The following ARAP2 variants were observed in gnomAD, a reference collection of about 807,000 sequenced individuals.
ARAP2 encodes ArfGAP with RhoGAP domain, ankyrin repeat and PH domain 2.
ARAP2 carries 148 observed loss-of-function variants against 194.5 expected under a neutral mutation model. The ratio of observed to expected loss-of-function variants is 0.76; its 90% CI spans 0.67 to 0.87. The LOEUF is 0.87. Among genes scored for constraint, ARAP2 ranks in the 40% least tolerant of loss-of-function variants. The pLI is 0.00. For synonymous variants in ARAP2, 695 were observed against 683.5 expected (o/e 1.02, Z -0.26); for missense variants, 2,128 against 1,989.7 (o/e 1.07, Z -1.32).
intron 2 of ARAP2, among the ~76,000 whole-genome samples, chr4:36,226,423 A>G (rs1233919464): frequency 2.0e-5 from 3 of 152,216 alleles, no homozygotes; most frequent in Non-Finnish European, 4.4e-5. Context: ...AATTCCCCTG[A>G]AAGAAATTAA....
chr4:36,033,781 G>T (rs886132287), intron 5 of ARAP2, among the ~76,000 whole-genome samples: 17 of 152,028 alleles, frequency 1.1e-4, no homozygotes, highest in Admixed American at 1.1e-3. Flanking sequence ...ATAGTTTGGG[G>T]TTTTACATTT....
chr4:36,022,737 A>G (rs1255969188), intron 5 of ARAP2, among the ~76,000 whole-genome samples: 1 of 152,164 alleles, frequency 6.6e-6, no homozygotes, highest in Non-Finnish European at 1.5e-5. Context: ...AAAAAATACT[A>G]TCTTCAGACT....
intron 22 of ARAP2, 44 bp from the exon 23 acceptor site, chr4:36,121,370 G>C: frequency 6.7e-7 from 1 of 1,497,298 alleles, no homozygotes; most frequent in Non-Finnish European, 9.0e-7. Context: ...CTTTTATTTG[G>C]AAATTTCATA....
chr4:36,210,563 T>C lies in ARAP2; in HGVS notation c.1314A>G (p.Gln438=). The change falls in exon 6 of 33, where the codon CAA becomes CAG. Residue 438 remains glutamine (Q), a synonymous_variant. Coordinates refer to ENST00000303965, the MANE Select transcript of ARAP2 (RefSeq NM_015230.4). ...TAACGGAGTCCAAAATCAAGGCTTT[T>C]TGAGTCCTAGATTTAGATGCCTTTG... ...KNSKASKSRT[Q]KALILDSVNR... The C allele has an allele frequency of 6.2e-7, 1 of 1,613,934 alleles. No individual in the cohort carries two copies. Among genetic ancestry groups the C allele is most frequent in the Non-Finnish European group, 8.5e-7 (1 of 1,179,858 alleles).
At chr4:36,022,126 C>T (rs1376291604) in intron 5 of ARAP2, among the ~76,000 whole-genome samples, 1 of 152,116 alleles carries the variant, frequency 6.6e-6, no homozygotes, top group Non-Finnish European at 1.5e-5. Flanking sequence ...ATGGGACCAT[C>T]GTAGTATATG....
chr4:36,152,673 T>TTA (rs1553921757), intron 15 of ARAP2, among the ~76,000 whole-genome samples: 1 of 148,514 alleles, frequency 6.7e-6, no homozygotes, highest in African/African-American at 2.5e-5. Context: ...ACTGAAGTGA[T>TTA]AAAAAAAAAA....
At chr4:36,057,964 A>C (rs1038145717) in intron 2 of ARAP2, 1 of 149,636 alleles carries the variant, frequency 6.7e-6, no homozygotes, top group Non-Finnish European at 1.5e-5. Context: ...TCCATAGAGG[A>C]TTTACCTTTC....
In ARAP2 at chr4:36,179,863, C is replaced by T. The variant is rs150896007; in HGVS notation, c.1679-1858G>A. ...TTTTTCAATTATCATTGTTCTTGTTCGCCTTCAAAACTAATAAAAACAGTT... is the reference window on the plus strand; with the variant it reads ...TTTTTCAATTATCATTGTTCTTGTTTGCCTTCAAAACTAATAAAAACAGTT... On this transcript the variant is annotated intron_variant, in intron 8 of 32. Coordinates refer to ENST00000303965, the MANE Select transcript of ARAP2 (RefSeq NM_015230.4). 7.0e-4 allele frequency among the ~76,000 whole-genome samples: 106 copies of T among 152,268 alleles called. No individual in the cohort carries two copies. In the East Asian group the frequency reaches 0.015, roughly 21 times the overall value.
At chr4:36,073,878 A>C in intron 31 of ARAP2, 55 bp from the exon 32 acceptor site, 1 of 1,588,440 alleles carries the variant, frequency 6.3e-7, no homozygotes, top group Non-Finnish European at 8.6e-7. Flanking sequence ...GTGGTATACT[A>C]TGTCATAAAG....
intron 5 of ARAP2, among the ~76,000 whole-genome samples, chr4:36,027,100 C>G (rs1718045795): frequency 6.6e-6 from 1 of 152,162 alleles, no homozygotes; most frequent in Non-Finnish European, 1.5e-5. Context: ...TTTTGCAAGA[C>G]TCAGATTTTC....
intron 32 of ARAP2, among the ~76,000 whole-genome samples, chr4:36,071,217 T>C (rs1467027581): frequency 6.6e-6 from 1 of 152,248 alleles, no homozygotes; most frequent in Non-Finnish European, 1.5e-5. Context: ...ATTATTCTAA[T>C]AAAGTTTCAT....
intron 5 of ARAP2, among the ~76,000 whole-genome samples, chr4:36,038,789 T>A (rs933128743): frequency 1.3e-5 from 2 of 152,188 alleles, no homozygotes; most frequent in African/African-American, 2.4e-5. Context: ...GCTCTTACAA[T>A]GGAATTTGTT....
chr4:36,011,802 A>C (rs1714622112), intron 9 of ARAP2, among the ~76,000 whole-genome samples: 1 of 152,102 alleles, frequency 6.6e-6, no homozygotes, highest in Non-Finnish European at 1.5e-5. Context: ...ACAGCATATT[A>C]GTGGAATTAG....
chr4:36,194,867 C>T (rs1287240121), intron 6 of ARAP2, among the ~76,000 whole-genome samples: 1 of 151,896 alleles, frequency 6.6e-6, no homozygotes, highest in Non-Finnish European at 1.5e-5. Flanking sequence ...ATATTTAATT[C>T]TAATTACAGA....
At chr4:36,156,504 A>AGGAG (rs879803190) in intron 15 of ARAP2, among the ~76,000 whole-genome samples, 9 of 82,134 alleles carry the variant, frequency 1.1e-4, no homozygotes, top group East Asian at 7.2e-4. Context: ...GAAGGAAGGA[A>AGGAG]GGAGGGAGGA....
intron 15 of ARAP2, among the ~76,000 whole-genome samples, chr4:36,156,161 A>G (rs1314069094): frequency 6.6e-6 from 1 of 151,728 alleles, no homozygotes; most frequent in African/African-American, 2.4e-5. Flanking sequence ...GGATGCCTAT[A>G]ATCCCAGATA....
chr4:36,010,344 T>G (rs1354343786), intron 9 of ARAP2, among the ~76,000 whole-genome samples: 5 of 152,016 alleles, frequency 3.3e-5, no homozygotes, highest in Admixed American at 2.6e-4. Flanking sequence ...TAGAAAGAAA[T>G]GAGCTTGCTA....
rs954612916 is a variant in ARAP2 at position 36,214,354 on chromosome 4, T to C, written c.964+68A>G. 3.7e-6 allele frequency: 5 copies of C among 1,355,680 alleles called. No homozygotes were observed. In the Admixed American group the frequency reaches 6.1e-5, roughly 17 times the overall value. The allele number at this position is 1,355,680 out of a possible 1,614,324, so 84.0% of individuals were successfully genotyped here. Reference sequence around the variant, plus strand: ...CACAGGTGGGCTGCCTTCGCAATCATGATTTTAACACAGTTAAGACTATCA... The same window carrying C: ...CACAGGTGGGCTGCCTTCGCAATCACGATTTTAACACAGTTAAGACTATCA... On this transcript the variant is annotated intron_variant, in intron 3 of 32. Transcript: ENST00000303965.
Position 36,239,688 on chromosome 4 carries a change from G to T in ARAP2, c.-160+4491C>A, listed in dbSNP as rs148684826. ...CCAACTGGAAATGGTCTGGAGATCT[G>T]TTTCACAGCATTGTAAATATACTTA... On this transcript the variant is annotated intron_variant, in intron 1 of 32. Transcript: ENST00000303965. 1.9e-3 allele frequency among the ~76,000 whole-genome samples: 291 copies of T among 152,298 alleles called. 2 individuals are homozygous for T. The highest frequency in any genetic ancestry group is 0.01 in the Middle Eastern group (3 of 294).
Sources: allele counts gnomAD v4.1 joint callset (sites outside exome capture counted in the v4.1 genomes callset), GRCh38; gene constraint gnomAD v4.1.1; transcripts MANE v1.5; gene names NCBI Gene and HGNC (gene_info 2026-07-23, HGNC 2026-07-21).